Variants in SUCO observed in about 807,000 individuals in gnomAD.
SUCO encodes the protein SUN domain containing ossification factor.
SUCO carries 57 observed loss-of-function variants against 148.1 expected under a neutral mutation model. That is an observed-to-expected ratio of 0.38 (90% confidence interval 0.31 to 0.48). The LOEUF is 0.48. SUCO is among the 20% of genes least tolerant of loss of function. The pLI is 0.96. For missense variants in SUCO, 1,331 were observed against 1,468.2 expected (o/e 0.91, Z 1.53); for synonymous variants, 470 against 502.7 (o/e 0.93, Z 0.87).
At chr1:172,557,932 C>T (rs1030488572) in intron 6 of SUCO, 138 bp downstream of exon 6, 7 of 653,124 alleles carry the variant, frequency 1.1e-5, no homozygotes, top group Non-Finnish European at 1.8e-5. Context: ...GGAACTAACA[C>T]GAACTGTGCT....
At chr1:172,601,498 CAAA>C (rs10633040) in intron 20 of SUCO, among the ~76,000 whole-genome samples, 3 of 115,070 alleles carry the variant, frequency 2.6e-5, no homozygotes, top group Non-Finnish European at 1.9e-5. Context: ...GGCTCTGTCT[CAAA>C]AAAAAAAAAA....
chr1:172,555,946 T>A lies in SUCO; in HGVS notation c.366T>A (p.Asn122Lys). 1 of 1,613,662 alleles carries A rather than the reference T, an allele frequency of 6.2e-7. No homozygotes were observed. Among genetic ancestry groups the A allele is most frequent in the Non-Finnish European group, 8.5e-7 (1 of 1,179,754 alleles). ...PTVDLHEESS[N>K]AVVDSETVEN... ...TTGATTTGCATGAAGAGTCTTCCAA[T>A]GCAGTTGTGGACAGTGAAACTGTTG... Residue 122 changes from asparagine to lysine, a missense_variant, in exon 4 of 24, where the codon AAT becomes AAA. This residue lies in a region of SUCO where 992 missense variants were observed against 1,093.5 expected (regional missense o/e 0.91). Coordinates refer to ENST00000263688, the MANE Select transcript of SUCO (RefSeq NM_014283.5).
chr1:172,579,332 T>A, intron 15 of SUCO, 65 bp downstream of exon 15: 13 of 1,011,680 alleles, frequency 1.3e-5, no homozygotes, highest in Non-Finnish European at 2.0e-5. Context: ...ACAGACATTT[T>A]GTCATGGTAT....
chr1:172,590,276 A>T (rs1026149573), intron 18 of SUCO: 221 of 944,024 alleles, frequency 2.3e-4, no homozygotes, highest in Non-Finnish European at 2.7e-4. Flanking sequence ...TAGTATATAG[A>T]CCTTAAAGCT....
At position 172,541,136 on chromosome 1, in the gene SUCO, A is replaced by G. The variant is rs141797484; in HGVS notation, c.62+7639A>G. ...TAACAATACAACAATAAAAATACAA[A>G]TAAAAACAATGTTGTATAACAGCTA... On this transcript the variant is annotated intron_variant, in intron 1 of 23. Coordinates refer to ENST00000263688, the MANE Select transcript of SUCO (RefSeq NM_014283.5). Among the ~76,000 whole-genome samples the G allele has an allele frequency of 4.7e-3, 712 of 152,336 alleles. 5 individuals carry two copies. Among genetic ancestry groups the G allele is most frequent in the African/African-American group, 0.016 (663 of 41,572 alleles).
intron 8 of SUCO, 129 bp downstream of exon 8, chr1:172,570,300 A>C (rs1654858318): frequency 3.7e-6 from 2 of 544,228 alleles, no homozygotes; most frequent in Non-Finnish European, 6.2e-6. Flanking sequence ...AAAGCAGAAT[A>C]TACTTTTCAA....
At chr1:172,566,349 A>T (rs966622891) in intron 6 of SUCO, among the ~76,000 whole-genome samples, 1 of 152,002 alleles carries the variant, frequency 6.6e-6, no homozygotes, top group South Asian at 2.1e-4. Context: ...CTTGCCAATC[A>T]CCTTCTCTCC....
At chr1:172,605,442 G>T (rs1204406574) in intron 22 of SUCO, among the ~76,000 whole-genome samples, 2 of 151,658 alleles carry the variant, frequency 1.3e-5, no homozygotes, top group African/African-American at 4.8e-5. Context: ...AGTGGTCTTT[G>T]CACCCTTCTT....
chr1:172,587,465 A>G (rs1370165900), intron 17 of SUCO, among the ~76,000 whole-genome samples: 1 of 152,088 alleles, frequency 6.6e-6, no homozygotes, highest in Non-Finnish European at 1.5e-5. Context: ...ACCAAATTCA[A>G]TATAATTTTT....
chr1:172,551,397 T>A (rs1338018114), intron 1 of SUCO, 115 bp from the exon 2 acceptor site: 1 of 564,372 alleles, frequency 1.8e-6, no homozygotes, highest in Admixed American at 3.6e-5. Flanking sequence ...AGGAACCATC[T>A]GTCTGTTTAT....
chr1:172,585,839 G>T lies in SUCO; in HGVS notation c.1568-19G>T. The T allele has an allele frequency of 6.8e-7, 1 of 1,477,982 alleles. No individual in the cohort carries two copies. Among genetic ancestry groups the T allele is most frequent in the Non-Finnish European group, 9.3e-7 (1 of 1,074,718 alleles). 91.6% of individuals were successfully genotyped at this position (1,477,982 alleles called of 1,614,324 possible). On this transcript the variant is annotated intron_variant, in intron 16 of 23. Transcript: ENST00000263688. ...GCTTTTAAAATTGAACTCAACATTGGGCATCTTTCTTAAAATAGGAAATAA... is the reference window on the plus strand; with the variant it reads ...GCTTTTAAAATTGAACTCAACATTGTGCATCTTTCTTAAAATAGGAAATAA...
chr1:172,585,161 G>A (rs1198770696), intron 16 of SUCO, 75 bp downstream of exon 16: 2 of 1,171,596 alleles, frequency 1.7e-6, no homozygotes, highest in Non-Finnish European at 2.4e-6. Flanking sequence ...ATCAAGTAAT[G>A]AGTTAAGAAA....
At chr1:172,598,880 A>G (rs142243922) in intron 19 of SUCO, among the ~76,000 whole-genome samples, 1 of 152,338 alleles carries the variant, frequency 6.6e-6, no homozygotes, top group Non-Finnish European at 1.5e-5. Flanking sequence ...GATAGAAAGT[A>G]CCATAGTGGA....
chr1:172,575,032 A>G, intron 10 of SUCO: 1 of 269,166 alleles, frequency 3.7e-6, no homozygotes, highest in Non-Finnish European at 5.7e-6. Flanking sequence ...ATAATGTTTC[A>G]GTAAACAGAT....
At chr1:172,567,677 A>G (rs1432560270) in intron 6 of SUCO, among the ~76,000 whole-genome samples, 1 of 152,202 alleles carries the variant, frequency 6.6e-6, no homozygotes, top group Non-Finnish European at 1.5e-5. Context: ...GCTCTAATGA[A>G]CATTCTTATG....
chr1:172,558,121 T>G (rs566776178), intron 6 of SUCO, among the ~76,000 whole-genome samples: 1 of 152,252 alleles, frequency 6.6e-6, no homozygotes, highest in Non-Finnish European at 1.5e-5. Flanking sequence ...GAAGAAGGTA[T>G]GACTAATTAC....
chr1:172,541,460 G>A (rs1652450773), intron 1 of SUCO, among the ~76,000 whole-genome samples: 1 of 152,252 alleles, frequency 6.6e-6, no homozygotes, highest in South Asian at 2.1e-4. Flanking sequence ...CCCAAGGGAT[G>A]ACCGGGCTAA....
rs192029835 is a variant in SUCO, at chr1:172,569,271, C to G, written c.856+129C>G. On this transcript the variant is annotated intron_variant, in intron 7 of 23. Coordinates refer to ENST00000263688, the MANE Select transcript of SUCO (RefSeq NM_014283.5). Reference sequence around the variant, plus strand: ...AAAACTTTTTAAAGGTGAAACTTAACCAAGTTGCTGTTGATCCATCCATCC... The same window carrying G: ...AAAACTTTTTAAAGGTGAAACTTAAGCAAGTTGCTGTTGATCCATCCATCC... 1,676 of 1,068,714 alleles carry G rather than the reference C, an allele frequency of 1.6e-3. 21 individuals are homozygous for G. The African/African-American group carries it at 0.025, about 16-fold the overall frequency. The allele number at this position is 1,068,714 out of a possible 1,614,324, so 66.2% of individuals were successfully genotyped here.
At chr1:172,559,234 G>A (rs746510109) in intron 6 of SUCO, among the ~76,000 whole-genome samples, 75 of 152,176 alleles carry the variant, frequency 4.9e-4, no homozygotes, top group Non-Finnish European at 8.1e-4. Context: ...GCATTACAAA[G>A]TGATTTTTAT....
Sources: gnomAD v4.1 joint callset for allele counts (sites outside exome capture counted in the v4.1 genomes callset) on GRCh38, gnomAD v4.1.1 for gene constraint, gnomAD v4.1.1 regional missense constraint, MANE v1.5 for transcripts, NCBI Gene and HGNC (gene_info 2026-07-23, HGNC 2026-07-21) for gene names.